The following TAAR2 variants were observed in gnomAD, a reference collection of about 807,000 sequenced individuals.
The protein encoded by TAAR2 is trace amine-associated receptor 2.
A neutral mutation model predicts 25.5 loss-of-function variants in TAAR2; 30 were observed. That is an observed-to-expected ratio of 1.18 (90% CI 0.88 to 1.60). The LOEUF (loss-of-function observed/expected upper bound fraction) is 1.60, where lower values mean the gene tolerates loss of function less well. Among genes scored for constraint, TAAR2 ranks in the 40% most tolerant of loss-of-function variants. The pLI is 0.00. For synonymous variants in TAAR2, 150 were observed against 142.4 expected, an observed-to-expected ratio of 1.05 and a Z score of -0.38; for missense variants, 481 against 416.5, an observed-to-expected ratio of 1.15 and a Z score of -1.35.
Position 132,617,974 on chromosome 6 carries a change from T to A in TAAR2, c.232A>T (p.Thr78Ser). Residue 78 changes from threonine to serine, a missense_variant, in exon 2 of 2, where the codon ACC (threonine) becomes TCC (serine). Physicochemically the swap from Thr to Ser is moderately conservative, Grantham distance 58. Transcript: ENST00000367931. ...GCCATGGAGAGGATGAGGAAGTTGGTTGGTGTGTGAAGCTGCTTGAAGTAG... is the reference window on the plus strand; with the variant it reads ...GCCATGGAGAGGATGAGGAAGTTGGATGGTGTGTGAAGCTGCTTGAAGTAG... ...ISYFKQLHTP[T>S]NFLILSMAIT... 1 of 1,613,882 alleles carries A rather than the reference T, an allele frequency of 6.2e-7. No homozygotes were observed. The highest frequency in any genetic ancestry group is 1.3e-5 in the African/African-American group (1 of 74,984).
At chr6:132,621,861 C>G (rs1777379758) in intron 1 of TAAR2, among the ~76,000 whole-genome samples, 1 of 152,034 alleles carries the variant, frequency 6.6e-6, no homozygotes, top group South Asian at 2.1e-4. Context: ...ATTTTAATCC[C>G]ATTTAAATAT....
At chr6:132,621,217 T>G (rs1232468219) in intron 1 of TAAR2, among the ~76,000 whole-genome samples, 1 of 152,064 alleles carries the variant, frequency 6.6e-6, no homozygotes, top group Non-Finnish European at 1.5e-5. Flanking sequence ...AACATTCTTG[T>G]GCTTAAGGCA....
rs1777411847 is a variant in TAAR2, at chr6:132,624,096, AC to A, written c.60+119del. ...GTGATTAAAAGAACACATTTCATCA[AC>A]CCTTTTAGATCTGGAGGAATTGAGC... On this transcript the variant is annotated intron_variant, in intron 1 of 1. Coordinates refer to ENST00000367931, the MANE Select transcript of TAAR2 (RefSeq NM_001033080.1). 7 of 959,524 alleles carry A rather than the reference AC, an allele frequency of 7.3e-6. No homozygotes were observed. The East Asian group carries it at 1.6e-4, about 22-fold the overall frequency. The allele number at this position is 959,524 out of a possible 1,614,324, so 59.4% of individuals were successfully genotyped here.
At chr6:132,621,576 G>A in intron 1 of TAAR2, among the ~76,000 whole-genome samples, 1 of 149,230 alleles carries the variant, frequency 6.7e-6, no homozygotes, top group East Asian at 2.0e-4. Flanking sequence ...ACTTCTTTGT[G>A]TTCCTGGCTT....
chr6:132,619,144 G>A (rs1777341021), intron 1 of TAAR2, among the ~76,000 whole-genome samples: 1 of 152,202 alleles, frequency 6.6e-6, no homozygotes, highest in Admixed American at 6.5e-5. Context: ...AGAGCCCTAT[G>A]CAATGACAGC....
intron 1 of TAAR2, among the ~76,000 whole-genome samples, chr6:132,618,493 AG>A (rs1777332335): frequency 6.6e-6 from 1 of 152,092 alleles, no homozygotes; most frequent in South Asian, 2.1e-4. Flanking sequence ...TACAAAAAGT[AG>A]CCAGGCATGG....
At chr6:132,619,507 C>T (rs910041138) in intron 1 of TAAR2, among the ~76,000 whole-genome samples, 14 of 152,202 alleles carry the variant, frequency 9.2e-5, no homozygotes, top group Admixed American at 8.5e-4. Context: ...AAATTACCAG[C>T]CTCTGTGATA....
At chr6:132,620,399 A>G (rs765864599) in intron 1 of TAAR2, among the ~76,000 whole-genome samples, 5 of 152,264 alleles carry the variant, frequency 3.3e-5, no homozygotes, top group Non-Finnish European at 7.3e-5. Context: ...AATGCTGTTT[A>G]CAGAAACAGC....
chr6:132,622,074 A>G (rs1777382362), intron 1 of TAAR2, among the ~76,000 whole-genome samples: 1 of 152,116 alleles, frequency 6.6e-6, no homozygotes, highest in South Asian at 2.1e-4. Flanking sequence ...CTATAGATAC[A>G]TGGATTGCCA....
intron 1 of TAAR2, among the ~76,000 whole-genome samples, chr6:132,620,190 G>A (rs1472906278): frequency 3.3e-5 from 5 of 152,200 alleles, no homozygotes; most frequent in Non-Finnish European, 4.4e-5. Context: ...GCCAAGTGGC[G>A]ACTCCAAGGC....
chr6:132,619,804 A>C (rs2114611052), intron 1 of TAAR2, among the ~76,000 whole-genome samples: 1 of 152,234 alleles, frequency 6.6e-6, no homozygotes, highest in East Asian at 1.9e-4. Context: ...ATGTTCCAGC[A>C]AGGATATGAC....
intron 1 of TAAR2, among the ~76,000 whole-genome samples, chr6:132,618,625 G>C (rs1468411817): frequency 6.6e-6 from 1 of 151,814 alleles, no homozygotes; most frequent in African/African-American, 2.4e-5. Context: ...GGGAGACAGA[G>C]AGAGACTCCA....
Position 132,619,786 on chromosome 6 carries a change from G to A in TAAR2, c.61-1641C>T, listed in dbSNP as rs145390835. ...GGACAAGATCTTTTCAGGCTGGACT[G>A]CACAGGAATGTTCCAGCAAGGATAT... On this transcript the variant is annotated intron_variant, in intron 1 of 1. Coordinates refer to ENST00000367931, the MANE Select transcript of TAAR2 (RefSeq NM_001033080.1). Among the ~76,000 whole-genome samples, 1,383 of 152,290 alleles carry A rather than the reference G, an allele frequency of 9.1e-3. 14 individuals are homozygous for A. Among genetic ancestry groups the A allele is most frequent in the Admixed American group, 0.037 (573 of 15,292 alleles).
At chr6:132,623,870 A>C (rs1777409454) in intron 1 of TAAR2, among the ~76,000 whole-genome samples, 1 of 152,016 alleles carries the variant, frequency 6.6e-6, no homozygotes, top group East Asian at 1.9e-4. Flanking sequence ...CTGTGAAAAC[A>C]AATCTGAGCC....
At position 132,617,511 on chromosome 6, in the gene TAAR2, A is replaced by T. The variant is rs1366464239; in HGVS notation, c.695T>A (p.Ile232Asn). Residue 232 changes from isoleucine to asparagine, a missense_variant, in exon 2 of 2, where the codon ATT becomes AAT. Ile to Asn is a moderately radical substitution (Grantham distance 149). Transcript: ENST00000367931. ...AGCATGTTTTCTGGATACTGCAAAA[A>T]TTTTGCCATAAATCCCCACCATCAT... ...GSMMVGIYGK[I>N]FAVSRKHAHA... 2.5e-6 allele frequency: 4 copies of T among 1,613,858 alleles called. No individual in the cohort carries two copies. The highest frequency in any genetic ancestry group is 3.4e-6 in the Non-Finnish European group (4 of 1,179,984).
chr6:132,617,883 CAGTTCTCCACCGATCTGATCATACTAT>C lies in TAAR2; in HGVS notation c.296_322del (p.Tyr99_Asn107del), dbSNP rs1219354163. On this transcript the variant is annotated inframe_deletion, in exon 2 of 2. Transcript: ENST00000367931. The stretch of plus-strand genomic sequence containing the variant: ...GCAAAATGTAAGCCCAAAATACCAG[CAGTTCTCCACCGATCTGATCATACTAT>C]ATGGCATGATGGTGAATCCCAGGAG... The C allele has an allele frequency of 6.2e-7, 1 of 1,613,912 alleles. No individual in the cohort carries two copies. The highest frequency in any genetic ancestry group is 8.5e-7 in the Non-Finnish European group (1 of 1,180,002).
Position 132,617,336 on chromosome 6 carries a change from G to C in TAAR2, c.870C>G (p.Phe290Leu). 1 of 1,613,554 alleles carries C rather than the reference G, an allele frequency of 6.2e-7. No individual in the cohort carries two copies. The change falls in exon 2 of 2, where the codon TTC becomes TTG. Residue 290 changes from phenylalanine (F) to leucine (L), a missense_variant. By Grantham distance (22) the Phe-to-Leu change is conservative. Coordinates refer to ENST00000367931, the MANE Select transcript of TAAR2 (RefSeq NM_001033080.1). ...FTILLDPFLNFSTPVVLFDAL... is the reference protein window; with the variant it reads ...FTILLDPFLNLSTPVVLFDAL... ...CATCAAACAAAACTACAGGAGTAGA[G>C]AAGTTCAAAAAGGGATCCAATAAAA...
chr6:132,617,401 C>T lies in TAAR2; in HGVS notation c.805G>A (p.Gly269Arg), dbSNP rs144766694. The change falls in exon 2 of 2, where the codon GGA becomes AGA. Residue 269 changes from glycine (G) to arginine (R), a missense_variant. Physicochemically the swap from Gly to Arg is moderately radical, Grantham distance 125. Transcript: ENST00000367931. ...GGAAACCAACATAATAAGAAAACTC[C>T]TATCACTATTCCTAAAGTTTTGGCA... ...KAAKTLGIVIGVFLLCWFPCF... is the reference protein window; with the variant it reads ...KAAKTLGIVIRVFLLCWFPCF... The T allele has an allele frequency of 4.3e-6, 7 of 1,613,764 alleles. No individual in the cohort carries two copies. Among genetic ancestry groups the T allele is most frequent in the African/African-American group, 4.0e-5 (3 of 75,012 alleles).
intron 1 of TAAR2, among the ~76,000 whole-genome samples, chr6:132,623,901 A>C (rs1777409813): frequency 6.6e-6 from 1 of 151,912 alleles, no homozygotes; most frequent in Non-Finnish European, 1.5e-5. Flanking sequence ...GGGGGGACCT[A>C]AGGAGCCTGA....
Sources: gnomAD v4.1 joint callset for allele counts (sites outside exome capture counted in the v4.1 genomes callset) on GRCh38, gnomAD v4.1.1 for gene constraint, MANE v1.5 for transcripts, NCBI Gene and HGNC (gene_info 2026-07-23, HGNC 2026-07-21) for gene names.